The following MASTL variants were observed in gnomAD, a reference collection of about 807,000 sequenced individuals.
MASTL encodes the protein microtubule associated serine/threonine kinase like.
Under a neutral mutation model 82.5 loss-of-function variants are expected in MASTL, and 54 were observed. The ratio of observed to expected loss-of-function variants is 0.65; its 90% confidence interval spans 0.53 to 0.82. MASTL has a LOEUF of 0.82. MASTL is among the 40% of genes least tolerant of loss of function. The probability of loss-of-function intolerance (pLI) is 0.00; values close to 1 mark genes in which losing one functional copy is unlikely to be tolerated. For missense variants in MASTL, 950 were observed against 1,047.8 expected (o/e 0.91, Z 1.29); for synonymous variants, 323 against 368.9 (o/e 0.88, Z 1.43).
At chr10:27,180,007 T>C (rs998230719) in intron 9 of MASTL, among the ~76,000 whole-genome samples, 2 of 152,192 alleles carry the variant, frequency 1.3e-5, no homozygotes, top group Admixed American at 6.5e-5. Context: ...GCTGTGGTAA[T>C]TGGTAATCTA....
chr10:27,169,199 C>G (rs2057837648), intron 7 of MASTL, among the ~76,000 whole-genome samples: 1 of 152,082 alleles, frequency 6.6e-6, no homozygotes, highest in Non-Finnish European at 1.5e-5. Context: ...TATATTTACA[C>G]TGACAATATT....
At chr10:27,154,571 C>A, upstream of MASTL, 2 of 370,284 alleles carry the variant, frequency 5.4e-6, no homozygotes, top group Non-Finnish European at 9.6e-6. Context: ...ACTTTTTCTT[C>A]GTTTTTTTTT....
rs2057870930 is a variant in MASTL, at chr10:27,170,043, A to G, written c.1084A>G (p.Lys362Glu). 1 of 1,614,186 alleles carries G rather than the reference A, an allele frequency of 6.2e-7. No individual in the cohort carries two copies. Among genetic ancestry groups the G allele is most frequent in the Non-Finnish European group, 8.5e-7 (1 of 1,179,994 alleles). The change falls in exon 8 of 12, where the codon AAA (lysine) becomes GAA (glutamate). Residue 362 changes from lysine to glutamate, a missense_variant. Coordinates refer to ENST00000375940, the MANE Select transcript of MASTL (RefSeq NM_001172303.3). ...TGCCATTGAGACGAAAGGTTTCAATAAAAAGGATCTGGAGTTAGCTCTTTC... is the reference window on the plus strand; with the variant it reads ...TGCCATTGAGACGAAAGGTTTCAATGAAAAGGATCTGGAGTTAGCTCTTTC... ...ANAIETKGFN[K>E]KDLELALSPI...
chr10:27,167,138 T>C lies in MASTL; in HGVS notation c.848T>C (p.Val283Ala). Reference sequence around the variant, plus strand: ...GTTGCCTCCAACCCAGGAATGCCTGTGAAGTGTCTAACTTCTAATTTACTC... The same window carrying C: ...GTTGCCTCCAACCCAGGAATGCCTGCGAAGTGTCTAACTTCTAATTTACTC... ...ETVASNPGMP[V>A]KCLTSNLLQS... The change falls in exon 7 of 12, where the codon GTG (valine) becomes GCG (alanine). Residue 283 changes from valine to alanine, a missense_variant. Physicochemically the swap from Val to Ala is moderately conservative, Grantham distance 64. Coordinates refer to ENST00000375940, the MANE Select transcript of MASTL (RefSeq NM_001172303.3). 1 of 1,614,126 alleles carries C rather than the reference T, an allele frequency of 6.2e-7. No individual in the cohort carries two copies. The highest frequency in any genetic ancestry group is 8.5e-7 in the Non-Finnish European group (1 of 1,179,996).
Position 27,159,875 on chromosome 10 carries a change from C to G in MASTL, c.464+117C>G, listed in dbSNP as rs1367110401. 1.2e-6 allele frequency: 1 copy of G among 858,442 alleles called. No homozygotes were observed. The highest frequency in any genetic ancestry group is 1.8e-5 in the Admixed American group (1 of 54,572). The allele number at this position is 858,442 out of a possible 1,614,324, so 53.2% of individuals were successfully genotyped here. A position where few individuals can be genotyped will look rare whatever the true frequency, so the allele number is the denominator to read the frequency against. On this transcript the variant is annotated intron_variant, in intron 3 of 11. Transcript: ENST00000375940. The surrounding 1 kb of genome is among the most constrained non-coding windows in gnomAD (Gnocchi z 4.0). ...TTATTTCCAGGTTATCTAAAGTTTACTAGTAACTTGTATTCATTTAGAAAT... is the reference window on the plus strand; with the variant it reads ...TTATTTCCAGGTTATCTAAAGTTTAGTAGTAACTTGTATTCATTTAGAAAT...
At chr10:27,185,753 C>A (rs2058679679) in intron 11 of MASTL, among the ~76,000 whole-genome samples, 1 of 149,956 alleles carries the variant, frequency 6.7e-6, no homozygotes, top group African/African-American at 2.5e-5. Context: ...CACCACTACA[C>A]TCCAGATTGG....
At chr10:27,163,164 G>T (rs561541852) in intron 4 of MASTL, among the ~76,000 whole-genome samples, 1 of 152,058 alleles carries the variant, frequency 6.6e-6, no homozygotes, top group Non-Finnish European at 1.5e-5. Flanking sequence ...TGGTTCACCC[G>T]CCTCGGCCTC....
intron 2 of MASTL, 80 bp downstream of exon 2, chr10:27,158,766 G>T (rs564601378): frequency 1.3e-6 from 2 of 1,505,042 alleles, no homozygotes; most frequent in Non-Finnish European, 1.8e-6. Flanking sequence ...CCATGTTTTG[G>T]TTCAGAGTGC....
chr10:27,180,139 T>C (rs528011693), intron 9 of MASTL, among the ~76,000 whole-genome samples: 31 of 152,332 alleles, frequency 2.0e-4, no homozygotes, highest in Admixed American at 1.8e-3. Flanking sequence ...AGTGACTATC[T>C]GGGGCTGATG....
Position 27,161,108 on chromosome 10 carries a change from A to G in MASTL, c.479A>G (p.Asp160Gly), listed in dbSNP as rs868340506. ...HGIIHRDLKP[D>G]NMLISNEGHI... is the part of the protein sequence containing the mutation. ...TGTGTGTGCAGGGACTTGAAACCGG[A>G]CAATATGCTTATTTCTAATGAGGGT... The change falls in exon 4 of 12, where the codon GAC becomes GGC. Residue 160 changes from aspartate to glycine, a missense_variant. By Grantham distance (94) the Asp-to-Gly change is moderately conservative (BLOSUM62 -1). Transcript: ENST00000375940. The G allele has an allele frequency of 6.2e-7, 1 of 1,612,622 alleles. No homozygotes were observed. Among genetic ancestry groups the G allele is most frequent in the Non-Finnish European group, 8.5e-7 (1 of 1,178,648 alleles).
At position 27,155,394 on chromosome 10, in the gene MASTL, A is replaced by G. The variant is rs1450394292; in HGVS notation, c.-33A>G. 141 of 1,566,604 alleles carry G rather than the reference A, an allele frequency of 9.0e-5. No individual in the cohort carries two copies. The highest frequency in any genetic ancestry group is 7.5e-5 in the Admixed American group (4 of 53,138). On this transcript the variant is annotated 5_prime_UTR_variant, in exon 1 of 12. Transcript: ENST00000375940. ...CGGGAGTGGCTGCTCGCGGAGGGGC[A>G]GTGTCTGCGGGGCCGCTGTATGCTG...
At position 27,178,129 on chromosome 10, in the gene MASTL, C is replaced by T. The variant is rs192973101; in HGVS notation, c.2267-2824C>T. On this transcript the variant is annotated intron_variant, in intron 9 of 11. Transcript: ENST00000375940. ...AAAAATGGCTGGGCACTGTGGCTCA[C>T]GCCTGTAATCCCAGCACTTTGGGAG... 1.3e-3 allele frequency among the ~76,000 whole-genome samples: 199 copies of T among 152,274 alleles called. 1 individual carries two copies. In the East Asian group the frequency reaches 0.033, roughly 25 times the overall value.
intron 11 of MASTL, among the ~76,000 whole-genome samples, chr10:27,182,999 G>A (rs2058415728): frequency 6.6e-6 from 1 of 152,068 alleles, no homozygotes; most frequent in South Asian, 2.1e-4. Context: ...TAAAGTTAAG[G>A]AAATACAGGA....
At chr10:27,156,789 G>C (rs979759346) in intron 1 of MASTL, among the ~76,000 whole-genome samples, 8 of 151,642 alleles carry the variant, frequency 5.3e-5, no homozygotes, top group African/African-American at 1.9e-4. Flanking sequence ...CAGAGTGCTG[G>C]GATTACAGGT....
At chr10:27,158,790 C>T in intron 2 of MASTL, 104 bp downstream of exon 2, 1 of 1,262,544 alleles carries the variant, frequency 7.9e-7, no homozygotes, top group African/African-American at 1.5e-5. Context: ...CATTTGAATT[C>T]TGGCTGCACT....
intron 7 of MASTL, among the ~76,000 whole-genome samples, chr10:27,169,559 C>A (rs1243608748): frequency 2.0e-5 from 3 of 149,786 alleles, no homozygotes; most frequent in African/African-American, 5.0e-5. Context: ...GACAGCAAGA[C>A]CCCATTTCAA....
Position 27,155,521 on chromosome 10 carries a change from T to C in MASTL, c.95T>C (p.Ile32Thr), listed in dbSNP as rs1216065643. Residue 32 changes from isoleucine (I) to threonine (T), a missense_variant, in exon 1 of 12, where the codon ATT becomes ACT. Physicochemically the swap from Ile to Thr is moderately conservative, Grantham distance 89. Transcript: ENST00000375940. ...ATCGCAGTGCCAAAACCGCCCTCCA[T>C]TGAGGAATTCAGCATAGTGAAGCCC... ...NRIAVPKPPS[I>T]EEFSIVKPIS... is the part of the protein sequence containing the mutation. 2 of 1,614,062 alleles carry C rather than the reference T, an allele frequency of 1.2e-6. No homozygotes were observed. The highest frequency in any genetic ancestry group is 8.5e-7 in the Non-Finnish European group (1 of 1,180,014).
At chr10:27,183,753 T>C (rs2058465191) in intron 11 of MASTL, among the ~76,000 whole-genome samples, 1 of 152,086 alleles carries the variant, frequency 6.6e-6, no homozygotes, top group Non-Finnish European at 1.5e-5. Context: ...GATCTGGGTC[T>C]GTCGCCCAGG....
Position 27,170,559 on chromosome 10 carries a change from T to C in MASTL, c.1600T>C (p.Cys534Arg). ...ACCAATGATAGCAAAAAACCTTATG[T>C]GTGAACTCGATGAAGACTGTGAAAA... ...PIPMIAKNLM[C>R]ELDEDCEKNS... The change falls in exon 8 of 12, where the codon TGT becomes CGT. Residue 534 changes from cysteine to arginine, a missense_variant. Cys to Arg is a radical substitution (Grantham distance 180). Coordinates refer to ENST00000375940, the MANE Select transcript of MASTL (RefSeq NM_001172303.3). 1 of 1,613,790 alleles carries C rather than the reference T, an allele frequency of 6.2e-7. No individual in the cohort carries two copies. Among genetic ancestry groups the C allele is most frequent in the Non-Finnish European group, 8.5e-7 (1 of 1,179,918 alleles).
Sources: allele counts gnomAD v4.1 joint callset (sites outside exome capture counted in the v4.1 genomes callset), GRCh38; gene constraint gnomAD v4.1.1; non-coding constraint Gnocchi (gnomAD v3.1); transcripts MANE v1.5; gene names NCBI Gene and HGNC (gene_info 2026-07-23, HGNC 2026-07-21).